Variants in TRPS1 observed in about 807,000 individuals in gnomAD.
TRPS1 encodes transcriptional repressor GATA binding 1, also known as zinc finger transcription factor Trps1.
In TRPS1, 6 loss-of-function variants were observed where a neutral mutation model predicts 101.2. The ratio of observed to expected loss-of-function variants is 0.06; its 90% CI spans 0.03 to 0.12. TRPS1 has a LOEUF of 0.12. TRPS1 is among the 10% of genes least tolerant of loss of function. The probability of loss-of-function intolerance (pLI) is 1.00; values close to 1 mark genes in which losing one functional copy is unlikely to be tolerated. For synonymous variants in TRPS1, 578 were observed against 589.8 expected (o/e 0.98, Z 0.29); for missense variants, 1,363 against 1,567.0 (o/e 0.87, Z 2.20).
At chr8:115,573,056 G>T (rs1209898408) in intron 5 of TRPS1, among the ~76,000 whole-genome samples, 1 of 151,922 alleles carries the variant, frequency 6.6e-6, no homozygotes, top group Non-Finnish European at 1.5e-5. Context: ...CCCAGGAGGT[G>T]GAGGTTGTGG....
intron 1 of TRPS1, among the ~76,000 whole-genome samples, chr8:115,641,556 CT>C (rs1199139746): frequency 6.6e-6 from 1 of 152,148 alleles, no homozygotes; most frequent in East Asian, 1.9e-4. Flanking sequence ...AATTACCAGC[CT>C]ATAGCAATGG....
At chr8:115,534,565 T>C (rs967906203) in intron 5 of TRPS1, among the ~76,000 whole-genome samples, 3 of 152,242 alleles carry the variant, frequency 2.0e-5, no homozygotes, top group Non-Finnish European at 2.9e-5. Context: ...CATTCAGTCA[T>C]AACACATGGC....
At chr8:115,446,049 G>A (rs992876737) in intron 5 of TRPS1, among the ~76,000 whole-genome samples, 5 of 152,010 alleles carry the variant, frequency 3.3e-5, no homozygotes, top group Admixed American at 2.6e-4. Context: ...TTGGATAAAA[G>A]GACTGTGAAA....
intron 5 of TRPS1, among the ~76,000 whole-genome samples, chr8:115,527,703 TA>T (rs1199744752): frequency 1.3e-5 from 2 of 151,976 alleles, no homozygotes; most frequent in Admixed American, 6.6e-5. Context: ...AAGTCAACTT[TA>T]AAAAAGTACA....
chr8:115,562,876 CTGTGTGTGTGTG>C (rs10588354), intron 5 of TRPS1, among the ~76,000 whole-genome samples: 5,304 of 132,656 alleles, frequency 0.04, 320 homozygotes, highest in African/African-American at 0.13. Flanking sequence ...CCCACAGTGT[CTGTGTGTGTGTG>C]TGTGTGTGTG....
intron 4 of TRPS1, among the ~76,000 whole-genome samples, chr8:115,591,769 A>AGGAAAACACATTTTAAAG (rs1817684320): frequency 6.6e-6 from 1 of 152,222 alleles, no homozygotes. Context: ...TATGTCGAAA[A>AGGAAAACACATTTTAAAG]GGAAAACACA....
At chr8:115,533,063 A>C (rs773404738) in intron 5 of TRPS1, among the ~76,000 whole-genome samples, 8 of 152,188 alleles carry the variant, frequency 5.3e-5, no homozygotes, top group Non-Finnish European at 7.3e-5. Flanking sequence ...GATTGACAGG[A>C]TATGAGTCCC....
rs1304750178 is a variant in TRPS1, at chr8:115,627,608, A to G, written c.-121-3850T>C. ...TTAGATTTTCACTCATAACAAAAAT[A>G]ACGAGTGCTGTGCTTTGTAGGAATG... On this transcript the variant is annotated intron_variant, in intron 1 of 6. Coordinates refer to ENST00000395715, the MANE Select transcript of TRPS1 (RefSeq NM_014112.5). Among the ~76,000 whole-genome samples, 5 of 151,906 alleles carry G rather than the reference A, an allele frequency of 3.3e-5. No individual in the cohort carries two copies. The East Asian group carries it at 9.6e-4, about 29-fold the overall frequency.
chr8:115,487,728 A>G (rs944937941), intron 5 of TRPS1, among the ~76,000 whole-genome samples: 3 of 152,228 alleles, frequency 2.0e-5, no homozygotes, highest in African/African-American at 7.2e-5. Context: ...CTGAAGATGT[A>G]ACTGATTGCT....
chr8:115,551,620 T>C (rs1383891187), intron 5 of TRPS1, among the ~76,000 whole-genome samples: 2 of 152,192 alleles, frequency 1.3e-5, no homozygotes, highest in Non-Finnish European at 1.5e-5. Flanking sequence ...TTGATTATTA[T>C]GATGCTTCCA....
At chr8:115,441,899 G>A (rs1005749193) in intron 5 of TRPS1, among the ~76,000 whole-genome samples, 23 of 106,016 alleles carry the variant, frequency 2.2e-4, no homozygotes, top group Non-Finnish European at 3.2e-4. Context: ...GAGAGAGAGA[G>A]TGTGTGTGTG....
intron 3 of TRPS1, among the ~76,000 whole-genome samples, chr8:115,617,443 C>G (rs1426462987): frequency 6.6e-6 from 1 of 152,148 alleles, no homozygotes; most frequent in Non-Finnish European, 1.5e-5. Context: ...AAGAACCTAA[C>G]AAATAACTGT....
chr8:115,431,556 T>G (rs557334084), intron 5 of TRPS1, among the ~76,000 whole-genome samples: 1 of 152,062 alleles, frequency 6.6e-6, no homozygotes, highest in East Asian at 1.9e-4. Context: ...TGGTGGTGAC[T>G]TCCTCCATTT....
chr8:115,434,120 G>T (rs1180645), intron 5 of TRPS1, among the ~76,000 whole-genome samples: 152,296 of 152,298 alleles, frequency 1, 76,147 homozygotes, highest in Middle Eastern at 1. Flanking sequence ...AGACTACCTT[G>T]GTGTGTATGT....
intron 5 of TRPS1, among the ~76,000 whole-genome samples, chr8:115,516,708 AAGGTAGTAT>A (rs1815720346): frequency 6.6e-6 from 1 of 151,556 alleles, no homozygotes; most frequent in African/African-American, 2.4e-5. Flanking sequence ...AGAAGTAGGC[AAGGTAGTAT>A]AGTTAGTCCC....
intron 5 of TRPS1, among the ~76,000 whole-genome samples, chr8:115,546,347 C>T (rs540963149): frequency 6.6e-6 from 1 of 152,052 alleles, no homozygotes; most frequent in Admixed American, 6.6e-5. Context: ...AAACATCGTA[C>T]TAATAGGTGA....
intron 5 of TRPS1, among the ~76,000 whole-genome samples, chr8:115,583,284 G>T (rs1448655126): frequency 6.7e-6 from 1 of 150,316 alleles, no homozygotes; most frequent in Non-Finnish European, 1.5e-5. Flanking sequence ...AAAAAAACTT[G>T]TCAGAAAAGT....
intron 5 of TRPS1, among the ~76,000 whole-genome samples, chr8:115,428,572 T>C (rs899549169): frequency 5.3e-5 from 8 of 152,088 alleles, no homozygotes; most frequent in African/African-American, 1.7e-4. Context: ...TATACAGAGG[T>C]TCAAAACAGT....
At chr8:115,640,477 G>A (rs1371881720) in intron 1 of TRPS1, among the ~76,000 whole-genome samples, 1 of 152,208 alleles carries the variant, frequency 6.6e-6, no homozygotes, top group Non-Finnish European at 1.5e-5. Context: ...TGTGCATGGA[G>A]TTTTAAGCTT....
Sources: allele counts gnomAD v4.1 joint callset (sites outside exome capture counted in the v4.1 genomes callset), GRCh38; gene constraint gnomAD v4.1.1; transcripts MANE v1.5; gene names NCBI Gene and HGNC (gene_info 2026-07-23, HGNC 2026-07-21).